The following MED28 variants were observed in gnomAD, a reference collection of about 807,000 sequenced individuals.
MED28 encodes the protein mediator of RNA polymerase II transcription subunit 28.
In MED28, 26 loss-of-function variants were observed where a neutral mutation model predicts 21.3. The observed-to-expected ratio is 1.22, with a 90% CI of 0.89 to 1.69. The LOEUF is 1.69. Ranked by LOEUF, MED28 falls within the 40% of genes most tolerant of loss-of-function variation. The pLI, the probability that MED28 is intolerant of heterozygous loss-of-function variation, is 0.00. For synonymous variants in MED28, 110 were observed against 87.6 expected (o/e 1.26, Z -1.43); for missense variants, 257 against 215.4 (o/e 1.19, Z -1.21).
At chr4:17,622,939 C>G (rs970908208) in intron 3 of MED28, among the ~76,000 whole-genome samples, 3 of 152,134 alleles carry the variant, frequency 2.0e-5, no homozygotes, top group African/African-American at 7.2e-5. Flanking sequence ...GAAAGACTTG[C>G]CCCCGTGATT....
At chr4:17,619,712 A>G (rs978004449) in intron 1 of MED28, among the ~76,000 whole-genome samples, 189 bp from the exon 2 acceptor site, 2 of 152,130 alleles carry the variant, frequency 1.3e-5, no homozygotes, top group Non-Finnish European at 2.9e-5. Context: ...CGCTTCCTCC[A>G]TGGGCCTAAT....
At chr4:17,620,192 A>G (rs1714578455) in intron 2 of MED28, 1 of 542,310 alleles carries the variant, frequency 1.8e-6, no homozygotes, top group African/African-American at 1.9e-5. Flanking sequence ...TATTCGTACT[A>G]GGTAAAGAAG....
intron 1 of MED28, among the ~76,000 whole-genome samples, chr4:17,618,201 G>T (rs1372144651): frequency 2.0e-5 from 3 of 151,784 alleles, no homozygotes; most frequent in African/African-American, 7.3e-5. Flanking sequence ...TAGAGACAGG[G>T]TTTCACCACG....
Position 17,633,649 on chromosome 4 carries a change from G to A in MED28, c.*9851G>A. On this transcript the variant is annotated 3_prime_UTR_variant, in exon 4 of 4. Transcript: ENST00000237380. ...TCCTACTTCCCCTCTTATCTACAGG[G>A]AAATAGAATAAGGGCCCCTGTCCCC... 3 of 1,430,344 alleles carry A rather than the reference G, an allele frequency of 2.1e-6. No homozygotes were observed. The highest frequency in any genetic ancestry group is 1.5e-5 in the South Asian group (1 of 67,032). 88.6% of individuals were successfully genotyped at this position (1,430,344 alleles called of 1,614,324 possible).
Position 17,629,868 on chromosome 4 carries a change from C to G in MED28, c.*6070C>G, listed in dbSNP as rs1365240427. On this transcript the variant is annotated 3_prime_UTR_variant, in exon 4 of 4. Transcript: ENST00000237380. ...TGGTAAGGGTGTAAATTGTTAGAAA[C>G]TTTCTGAATGGCAGTTTGGTAATAA... 1 of 152,166 alleles carries G rather than the reference C, an allele frequency of 6.6e-6. No individual in the cohort carries two copies. The highest frequency in any genetic ancestry group is 1.5e-5 in the Non-Finnish European group (1 of 68,028). 9.4% of individuals were successfully genotyped at this position (152,166 alleles called of 1,614,324 possible).
Position 17,632,410 on chromosome 4 carries a change from A to G in MED28, c.*8612A>G. The G allele has an allele frequency of 1.2e-6, 1 of 820,966 alleles. No homozygotes were observed. 50.9% of individuals were successfully genotyped at this position (820,966 alleles called of 1,614,324 possible). Reference sequence around the variant, plus strand: ...AAGTGTTAACGCCAAAATTTGTTTTAGCTATCATATATAAATCATAAGCAT... The same window carrying G: ...AAGTGTTAACGCCAAAATTTGTTTTGGCTATCATATATAAATCATAAGCAT... On this transcript the variant is annotated 3_prime_UTR_variant, in exon 4 of 4. Coordinates refer to ENST00000237380, the MANE Select transcript of MED28 (RefSeq NM_025205.5).
chr4:17,618,991 A>G (rs2108916093), intron 1 of MED28, among the ~76,000 whole-genome samples: 1 of 152,324 alleles, frequency 6.6e-6, no homozygotes, highest in East Asian at 1.9e-4. Flanking sequence ...TTGAGCTCAG[A>G]TCTGTCTGCC....
chr4:17,626,885 G>A lies in MED28; in HGVS notation c.*3087G>A, dbSNP rs1452695458. 2 of 151,600 alleles carry A rather than the reference G, an allele frequency of 1.3e-5. No homozygotes were observed. Among genetic ancestry groups the A allele is most frequent in the East Asian group, 3.9e-4 (2 of 5,140 alleles). The allele number at this position is 151,600 out of a possible 1,614,324, so 9.4% of individuals were successfully genotyped here. A position where few individuals can be genotyped will look rare whatever the true frequency, so the allele number is the denominator to read the frequency against. ...TGGTGGGTGACCTTTTCAGCCATTT[G>A]ACATTCCTCCCAGAAGAACCTCTGC... On this transcript the variant is annotated 3_prime_UTR_variant, in exon 4 of 4. Transcript: ENST00000237380.
chr4:17,619,318 C>A (rs1044649095), intron 1 of MED28, among the ~76,000 whole-genome samples: 2 of 152,158 alleles, frequency 1.3e-5, no homozygotes, highest in Non-Finnish European at 2.9e-5. Flanking sequence ...TAAACACTTC[C>A]CTTGTGCCAA....
At chr4:17,618,316 T>C (rs971455292) in intron 1 of MED28, among the ~76,000 whole-genome samples, 6 of 152,112 alleles carry the variant, frequency 3.9e-5, no homozygotes, top group Admixed American at 1.3e-4. Context: ...CCTAAATTTT[T>C]TTCTTGAGTG....
Position 17,633,581 on chromosome 4 carries a change from G to T in MED28, c.*9783G>T. The T allele has an allele frequency of 9.3e-7, 1 of 1,070,384 alleles. No homozygotes were observed. Among genetic ancestry groups the T allele is most frequent in the Non-Finnish European group, 1.3e-6 (1 of 779,570 alleles). 66.3% of individuals were successfully genotyped at this position (1,070,384 alleles called of 1,614,324 possible). On this transcript the variant is annotated 3_prime_UTR_variant, in exon 4 of 4. Transcript: ENST00000237380. Reference sequence around the variant, plus strand: ...CAGTGTCCCTTGTCTAATCATCCATGAAAAAAGGCCTTCTGGAATTTGGTA... The same window carrying T: ...CAGTGTCCCTTGTCTAATCATCCATTAAAAAAGGCCTTCTGGAATTTGGTA...
chr4:17,621,719 C>T lies in MED28; in HGVS notation c.339+20C>T. The T allele has an allele frequency of 6.6e-7, 1 of 1,508,152 alleles. No individual in the cohort carries two copies. Among genetic ancestry groups the T allele is most frequent in the Non-Finnish European group, 9.2e-7 (1 of 1,089,928 alleles). 93.4% of individuals were successfully genotyped at this position (1,508,152 alleles called of 1,614,324 possible). On this transcript the variant is annotated intron_variant, in intron 3 of 3. Coordinates refer to ENST00000237380, the MANE Select transcript of MED28 (RefSeq NM_025205.5). Reference sequence around the variant, plus strand: ...AAAGAGGTATGAACTCAGTTTTCTCCTCAGCTCTATAGGAAGAACTAAGTG... The same window carrying T: ...AAAGAGGTATGAACTCAGTTTTCTCTTCAGCTCTATAGGAAGAACTAAGTG...
chr4:17,633,544 A>G lies in MED28; in HGVS notation c.*9746A>G. The G allele has an allele frequency of 1.4e-6, 1 of 716,914 alleles. No individual in the cohort carries two copies. The highest frequency in any genetic ancestry group is 3.1e-5 in the East Asian group (1 of 32,654). The allele number at this position is 716,914 out of a possible 1,614,324, so 44.4% of individuals were successfully genotyped here. A position where few individuals can be genotyped will look rare whatever the true frequency, so the allele number is the denominator to read the frequency against. ...TTGTATAACCCATGCTGAAGTTTTC[A>G]GGTAAGTGATTCAGTGTCCCTTGTC... On this transcript the variant is annotated 3_prime_UTR_variant, in exon 4 of 4. Coordinates refer to ENST00000237380, the MANE Select transcript of MED28 (RefSeq NM_025205.5).
At position 17,633,804 on chromosome 4, in the gene MED28, G is replaced by C. The variant is rs1487370157; in HGVS notation, c.*10006G>C. The stretch of plus-strand genomic sequence containing the variant: ...GGAGGGGCATTAATCCTGGAACTCA[G>C]ATCGCCACTCAGAAAGTTCTTTGCA... On this transcript the variant is annotated 3_prime_UTR_variant, in exon 4 of 4. Coordinates refer to ENST00000237380, the MANE Select transcript of MED28 (RefSeq NM_025205.5). The C allele has an allele frequency of 1.9e-6, 3 of 1,551,628 alleles. No individual in the cohort carries two copies. Among genetic ancestry groups the C allele is most frequent in the East Asian group, 4.9e-5 (2 of 40,924 alleles).
chr4:17,623,107 AAAAT>A (rs1210211620), intron 3 of MED28, among the ~76,000 whole-genome samples: 1 of 152,194 alleles, frequency 6.6e-6, no homozygotes, highest in Non-Finnish European at 1.5e-5. Flanking sequence ...TTCTATAAGA[AAAAT>A]AAACGTAGGC....
Position 17,631,032 on chromosome 4 carries a change from G to C in MED28, c.*7234G>C, listed in dbSNP as rs1437023806. On this transcript the variant is annotated 3_prime_UTR_variant, in exon 4 of 4. Transcript: ENST00000237380. ...TTTGCCCCCTAAAAGTTGTTATTGA[G>C]TCTTGTCAAATCACATTGCTCTGTC... The C allele has an allele frequency of 6.6e-6, 1 of 152,212 alleles. No individual in the cohort carries two copies. The highest frequency in any genetic ancestry group is 1.5e-5 in the Non-Finnish European group (1 of 68,034). 9.4% of individuals were successfully genotyped at this position (152,212 alleles called of 1,614,324 possible).
Position 17,625,032 on chromosome 4 carries a change from C to T in MED28, c.*1234C>T, listed in dbSNP as rs1354225799. ...GTGCCTTGACTCATTTTGTTGTCTT[C>T]AGCCTTGAAGGCCCCTTCCCACATG... On this transcript the variant is annotated 3_prime_UTR_variant, in exon 4 of 4. Coordinates refer to ENST00000237380, the MANE Select transcript of MED28 (RefSeq NM_025205.5). The T allele has an allele frequency of 6.6e-6, 1 of 152,186 alleles. No individual in the cohort carries two copies. The highest frequency in any genetic ancestry group is 1.5e-5 in the Non-Finnish European group (1 of 68,116). 9.4% of individuals were successfully genotyped at this position (152,186 alleles called of 1,614,324 possible).
Position 17,633,736 on chromosome 4 carries a change from G to A in MED28, c.*9938G>A, listed in dbSNP as rs946759250. ...TAGACTGGTTGGGTTTGTAGGTCCG[G>A]CCACAGCTGGGGCTTGGGTCCAAGC... On this transcript the variant is annotated 3_prime_UTR_variant, in exon 4 of 4. Coordinates refer to ENST00000237380, the MANE Select transcript of MED28 (RefSeq NM_025205.5). 2.2e-5 allele frequency: 34 copies of A among 1,550,064 alleles called. No homozygotes were observed. Among genetic ancestry groups the A allele is most frequent in the Non-Finnish European group, 2.6e-5 (30 of 1,146,310 alleles).
chr4:17,628,255 CGTGTGTGTGTGTGTGTGTGTGTGT>C lies in MED28; in HGVS notation c.*4470_*4493del, dbSNP rs71167314. The stretch of plus-strand genomic sequence containing the variant: ...GCTGGTTAAAACGAGTGACAGCTGC[CGTGTGTGTGTGTGTGTGTGTGTGT>C]GTGTGTGTGTGTATGTGTATATGCG... On this transcript the variant is annotated 3_prime_UTR_variant, in exon 4 of 4. Transcript: ENST00000237380. The C allele has an allele frequency of 2.1e-5, 3 of 140,812 alleles. No homozygotes were observed. Among genetic ancestry groups the C allele is most frequent in the South Asian group, 2.4e-4 (1 of 4,098 alleles). The allele number at this position is 140,812 out of a possible 1,614,324, so 8.7% of individuals were successfully genotyped here.
Sources: allele counts gnomAD v4.1 joint callset (sites outside exome capture counted in the v4.1 genomes callset), GRCh38; gene constraint gnomAD v4.1.1; transcripts MANE v1.5; gene names NCBI Gene and HGNC (gene_info 2026-07-23, HGNC 2026-07-21).